SLC44A5: variants seen among roughly 807,000 people sequenced by gnomAD.
The protein encoded by SLC44A5 is choline transporter-like protein 5.
In SLC44A5, 57 loss-of-function variants were observed where a neutral mutation model predicts 101.8. The observed-to-expected ratio is 0.56, with a 90% CI of 0.45 to 0.70. SLC44A5 has a LOEUF of 0.70. Ranked by LOEUF, SLC44A5 falls within the 30% of genes least tolerant of loss-of-function variation. The pLI is 0.00. For synonymous variants in SLC44A5, 281 were observed against 290.9 expected, an observed-to-expected ratio of 0.97 and a Z score of 0.35; for missense variants, 737 against 853.1, an observed-to-expected ratio of 0.86 and a Z score of 1.70.
the SLC44A5 span, chr1:75,720,473 T>A: frequency 9.9e-5 from 15 of 152,214 alleles, no homozygotes; most frequent in Non-Finnish European, 1.9e-4. Flanking sequence ...GAGAGATGGT[T>A]CTATTCCTAC....
At chr1:75,480,607 T>C (rs1667778193) in intron 2 of SLC44A5, among the ~76,000 whole-genome samples, 1 of 151,962 alleles carries the variant, frequency 6.6e-6, no homozygotes, top group Non-Finnish European at 1.5e-5. Context: ...TATACACCAA[T>C]AACAGACAAA....
chr1:75,361,214 A>G (rs1284384473), intron 3 of SLC44A5, among the ~76,000 whole-genome samples: 1 of 152,078 alleles, frequency 6.6e-6, no homozygotes, highest in Non-Finnish European at 1.5e-5. Flanking sequence ...TGGAATCTTT[A>G]CAGATTCCTA....
At chr1:75,384,727 T>C (rs556452298) in intron 3 of SLC44A5, among the ~76,000 whole-genome samples, 2 of 129,680 alleles carry the variant, frequency 1.5e-5, no homozygotes, top group African/African-American at 6.0e-5. Context: ...TCTACAGAAC[T>C]CTCCACCCCA....
chr1:75,455,154 G>A (rs1412740399), intron 2 of SLC44A5, among the ~76,000 whole-genome samples: 1 of 151,834 alleles, frequency 6.6e-6, no homozygotes, highest in African/African-American at 2.4e-5. Flanking sequence ...AAACAGCATG[G>A]TACAAAAACA....
the SLC44A5 span, among the ~76,000 whole-genome samples, chr1:75,675,879 G>C: frequency 2.6e-5 from 4 of 152,134 alleles, no homozygotes; most frequent in African/African-American, 9.7e-5. Flanking sequence ...CCCATTAAAA[G>C]TGGGCAAAGG....
At chr1:75,454,036 C>T (rs1057436039) in intron 2 of SLC44A5, among the ~76,000 whole-genome samples, 1 of 152,040 alleles carries the variant, frequency 6.6e-6, no homozygotes, top group Non-Finnish European at 1.5e-5. Context: ...GGACTCTTCC[C>T]TAACTCATTC....
At chr1:75,401,765 T>C (rs1662492984) in intron 2 of SLC44A5, among the ~76,000 whole-genome samples, 1 of 152,160 alleles carries the variant, frequency 6.6e-6, no homozygotes, top group East Asian at 1.9e-4. Context: ...GACCTGAGGC[T>C]GCTGAGTATC....
intron 4 of SLC44A5, among the ~76,000 whole-genome samples, chr1:75,332,662 C>T (rs1657138960): frequency 6.6e-6 from 1 of 152,026 alleles, no homozygotes; most frequent in African/African-American, 2.4e-5. Context: ...AATGAAGAGC[C>T]ACTTATTAGG....
intron 2 of SLC44A5, among the ~76,000 whole-genome samples, chr1:75,478,465 T>C (rs1426987388): frequency 1.3e-5 from 2 of 152,124 alleles, no homozygotes; most frequent in Non-Finnish European, 2.9e-5. Context: ...GCAAATTGGA[T>C]AAAGAGTCAA....
At chr1:75,516,463 G>C (rs933999265) in intron 2 of SLC44A5, among the ~76,000 whole-genome samples, 3 of 152,274 alleles carry the variant, frequency 2.0e-5, no homozygotes, top group South Asian at 4.1e-4. Context: ...CTTGCAGTGA[G>C]CGGAGATCGC....
the SLC44A5 span, among the ~76,000 whole-genome samples, chr1:75,643,971 C>T: frequency 6.6e-6 from 1 of 152,218 alleles, no homozygotes; most frequent in Admixed American, 6.5e-5. Flanking sequence ...ACAATCTTCA[C>T]TGGAGTTCAT....
chr1:75,639,135 T>C, the SLC44A5 span, among the ~76,000 whole-genome samples: 2 of 152,184 alleles, frequency 1.3e-5, no homozygotes, highest in East Asian at 3.9e-4. Flanking sequence ...AGATCTATCA[T>C]ACAACATGGT....
chr1:75,472,140 C>A (rs1291527741), intron 2 of SLC44A5, among the ~76,000 whole-genome samples: 1 of 149,104 alleles, frequency 6.7e-6, no homozygotes, highest in Admixed American at 6.7e-5. Context: ...TCTCAAGCCA[C>A]TGGGAATAGA....
At chr1:75,695,079 G>T in the SLC44A5 span, among the ~76,000 whole-genome samples, 1 of 152,122 alleles carries the variant, frequency 6.6e-6, no homozygotes, top group Non-Finnish European at 1.5e-5. Context: ...CAATTGATTA[G>T]ACTACTAACT....
intron 2 of SLC44A5, among the ~76,000 whole-genome samples, chr1:75,512,428 T>A (rs548906303): frequency 2.0e-5 from 3 of 152,254 alleles, no homozygotes; most frequent in Non-Finnish European, 4.4e-5. Flanking sequence ...GATTACTTTC[T>A]TGAGTTTTTT....
intron 2 of SLC44A5, among the ~76,000 whole-genome samples, chr1:75,539,441 G>A (rs1270747598): frequency 2.6e-5 from 4 of 152,124 alleles, no homozygotes; most frequent in South Asian, 2.1e-4. Flanking sequence ...TGCTAGAGGT[G>A]TTGCCAGCTT....
intron 9 of SLC44A5, among the ~76,000 whole-genome samples, chr1:75,240,151 G>A (rs1433703776): frequency 6.6e-6 from 1 of 152,014 alleles, no homozygotes; most frequent in Non-Finnish European, 1.5e-5. Context: ...TCCACCTACA[G>A]TGTACTATAT....
At chr1:75,601,733 G>GC (rs1332431392) in intron 1 of SLC44A5, among the ~76,000 whole-genome samples, 1 of 151,992 alleles carries the variant, frequency 6.6e-6, no homozygotes, top group East Asian at 1.9e-4. Context: ...TGAAAATCTT[G>GC]CATCTTTATT....
chr1:75,663,387 T>C, the SLC44A5 span, among the ~76,000 whole-genome samples: 1 of 152,134 alleles, frequency 6.6e-6, no homozygotes, highest in African/African-American at 2.4e-5. Flanking sequence ...AATCCAAATA[T>C]ACTGGCACTC....
Sources: allele counts gnomAD v4.1 joint callset (sites outside exome capture counted in the v4.1 genomes callset), GRCh38; gene constraint gnomAD v4.1.1; transcripts MANE v1.5; gene names NCBI Gene and HGNC (gene_info 2026-07-23, HGNC 2026-07-21).